Variants in TTC39B observed in about 807,000 individuals in gnomAD.
TTC39B encodes the protein tetratricopeptide repeat domain 39B.
In TTC39B, 92 loss-of-function variants were observed where a neutral mutation model predicts 96.6. The observed-to-expected ratio is 0.95, with a 90% confidence interval of 0.80 to 1.13. TTC39B has a LOEUF of 1.13. TTC39B is among the 50% of genes most tolerant of loss of function. The probability of loss-of-function intolerance (pLI) is 0.00; values close to 1 mark genes in which losing one functional copy is unlikely to be tolerated. For synonymous variants in TTC39B, 367 were observed against 299.4 expected (o/e 1.23, Z -2.33); for missense variants, 955 against 809.3 (o/e 1.18, Z -2.18).
rs140280178 is a variant in TTC39B at position 15,276,498 on chromosome 9, A to C, written c.241-8550T>G. ...AAGGTAGTCATGACTTGATGACATG[A>C]GCCCTCCCTTCTCTCACAAGCACAA... On this transcript the variant is annotated intron_variant, in intron 1 of 19. Transcript: ENST00000512701. 3.3e-5 allele frequency among the ~76,000 whole-genome samples: 5 copies of C among 152,308 alleles called. No homozygotes were observed. The East Asian group carries it at 9.6e-4, about 29-fold the overall frequency.
chr9:15,236,775 T>G (rs1437956808), intron 2 of TTC39B, among the ~76,000 whole-genome samples: 1 of 152,124 alleles, frequency 6.6e-6, no homozygotes, highest in African/African-American at 2.4e-5. Flanking sequence ...TTTAAATGAA[T>G]GAAAACAAAG....
intron 1 of TTC39B, among the ~76,000 whole-genome samples, chr9:15,291,523 C>G (rs1453580642): frequency 1.3e-5 from 2 of 152,166 alleles, no homozygotes; most frequent in East Asian, 1.9e-4. Context: ...TTATCAGCAG[C>G]ATGAGAACGG....
rs1011244875 is a variant in TTC39B, at chr9:15,210,069, T to C, written c.691+19A>G. 3 of 1,550,336 alleles carry C rather than the reference T, an allele frequency of 1.9e-6. No individual in the cohort carries two copies. The highest frequency in any genetic ancestry group is 2.3e-5 in the East Asian group (1 of 44,410). ...CTATTAAAATCAAGGAAAAAAGTGATCTTTTAAATGACTTTTACCTTCACT... is the reference window on the plus strand; with the variant it reads ...CTATTAAAATCAAGGAAAAAAGTGACCTTTTAAATGACTTTTACCTTCACT... On this transcript the variant is annotated intron_variant, in intron 6 of 19. Coordinates refer to ENST00000512701, the Ensembl canonical transcript of TTC39B.
At chr9:15,285,356 T>C (rs1823929902) in intron 1 of TTC39B, among the ~76,000 whole-genome samples, 1 of 152,212 alleles carries the variant, frequency 6.6e-6, no homozygotes, top group Admixed American at 6.5e-5. Context: ...AAAAACTTTT[T>C]ATTTAGAAAT....
At chr9:15,288,148 T>C (rs1824047473) in intron 1 of TTC39B, among the ~76,000 whole-genome samples, 1 of 152,124 alleles carries the variant, frequency 6.6e-6, no homozygotes, top group African/African-American at 2.4e-5. Flanking sequence ...ATCTCAATGT[T>C]TTCTATCAAA....
At chr9:15,284,543 A>G (rs1039645881) in intron 1 of TTC39B, among the ~76,000 whole-genome samples, 5 of 152,242 alleles carry the variant, frequency 3.3e-5, no homozygotes, top group African/African-American at 1.2e-4. Context: ...ATATAAATAA[A>G]GCAAACAGTG....
rs909667076 is a variant in TTC39B, at chr9:15,214,165, T to C, written c.456A>G (p.Thr152=). 5 of 1,613,796 alleles carry C rather than the reference T, an allele frequency of 3.1e-6. No homozygotes were observed. The African/African-American group carries it at 6.7e-5, about 22-fold the overall frequency. ...AGGGGCGAAGCAATTCTAAGGCGTC[T>C]GTAAATTTGTTGCTTAGAAATAAGT... The change falls in exon 4 of 20, where the codon ACA becomes ACG. Residue 152 remains threonine, a synonymous_variant. Transcript: ENST00000512701.
intron 2 of TTC39B, among the ~76,000 whole-genome samples, chr9:15,237,857 T>A (rs1821857698): frequency 1.3e-5 from 2 of 151,960 alleles, no homozygotes; most frequent in Admixed American, 1.3e-4. Context: ...CCAACCAATA[T>A]CCCTGAGGAA....
Position 15,276,273 on chromosome 9 carries a change from G to A in TTC39B, c.241-8325C>T, listed in dbSNP as rs1305321180. On this transcript the variant is annotated intron_variant, in intron 1 of 19. Coordinates refer to ENST00000512701, the Ensembl canonical transcript of TTC39B. ...AGCATGGGAGGGCCAGATACAACAC[G>A]AGTGTGCTTCAGGCCTGCTGTTCAC... is the stretch of plus-strand genomic sequence containing the variant. Among the ~76,000 whole-genome samples the A allele has an allele frequency of 2.6e-5, 4 of 152,304 alleles. No individual in the cohort carries two copies. The East Asian group carries it at 5.8e-4, about 22-fold the overall frequency.
rs999656624 is a variant in TTC39B at position 15,245,975 on chromosome 9, C to T, written c.276-19963G>A. ...TTCTTACCCAAATAAATCACCAGGC[C>T]GGGCGTGGTGGCTCACACCTGTAAT... On this transcript the variant is annotated intron_variant, in intron 2 of 19. Transcript: ENST00000512701. 7.2e-5 allele frequency among the ~76,000 whole-genome samples: 11 copies of T among 152,136 alleles called. No homozygotes were observed. In the East Asian group the frequency reaches 1.3e-3, roughly 19 times the overall value.
intron 19 of TTC39B, among the ~76,000 whole-genome samples, chr9:15,173,074 G>C (rs1270383292): frequency 2.0e-5 from 3 of 152,116 alleles, no homozygotes; most frequent in African/African-American, 7.2e-5. Flanking sequence ...TGAGTTAGTG[G>C]AGGCTTTTCA....
intron 2 of TTC39B, among the ~76,000 whole-genome samples, chr9:15,251,685 A>G (rs867546330): frequency 1.7e-5 from 2 of 118,208 alleles, no homozygotes; most frequent in Non-Finnish European, 3.5e-5. Flanking sequence ...ACACACACAC[A>G]CACACATACA....
intron 2 of TTC39B, among the ~76,000 whole-genome samples, chr9:15,255,970 T>G (rs1822736205): frequency 6.6e-6 from 1 of 152,198 alleles, no homozygotes; most frequent in African/African-American, 2.4e-5. Context: ...ATCCTAGCAG[T>G]CTACTCTGAG....
At chr9:15,220,917 C>T (rs1020154649) in intron 3 of TTC39B, among the ~76,000 whole-genome samples, 5 of 152,184 alleles carry the variant, frequency 3.3e-5, no homozygotes, top group Non-Finnish European at 2.9e-5. Flanking sequence ...ATTTTGGAAG[C>T]TAAGCAAGGT....
At chr9:15,167,183 C>T (rs1428209663) in exon 20 of TTC39B, 1 of 138,264 alleles carries the variant, frequency 7.2e-6, no homozygotes, top group African/African-American at 2.7e-5. Context: ...ACTACAAGTG[C>T]ACTCCACCAT....
In TTC39B at chr9:15,255,404, A is replaced by C. The variant is rs1419428585; in HGVS notation, c.275+12510T>G. Among the ~76,000 whole-genome samples the C allele has an allele frequency of 2.0e-5, 3 of 152,266 alleles. No homozygotes were observed. The East Asian group carries it at 5.8e-4, about 29-fold the overall frequency. On this transcript the variant is annotated intron_variant, in intron 2 of 19. Coordinates refer to ENST00000512701, the Ensembl canonical transcript of TTC39B. The stretch of plus-strand genomic sequence containing the variant: ...ACAAGCAGAGACAAAAGGGGGAAAG[A>C]GGGAAGAAGGAAAAAGAAAGGAGAC...
chr9:15,232,652 G>T (rs654202), intron 2 of TTC39B, among the ~76,000 whole-genome samples: 3 of 152,094 alleles, frequency 2.0e-5, no homozygotes, highest in Non-Finnish European at 4.4e-5. Context: ...AGAAATGAGG[G>T]AAGAGACTAA....
intron 6 of TTC39B, among the ~76,000 whole-genome samples, chr9:15,207,854 G>C (rs1335938991): frequency 2.0e-5 from 3 of 150,502 alleles, no homozygotes; most frequent in Non-Finnish European, 4.4e-5. Flanking sequence ...CGTGGTGGCG[G>C]GCACCTGTAA....
intron 7 of TTC39B, among the ~76,000 whole-genome samples, chr9:15,202,647 C>T (rs145689453): frequency 4.0e-5 from 6 of 151,178 alleles, no homozygotes; most frequent in South Asian, 2.1e-4. Flanking sequence ...AGGAGGCAGA[C>T]GTTGCAGTGA....
Sources: allele counts gnomAD v4.1 joint callset (sites outside exome capture counted in the v4.1 genomes callset), GRCh38; gene constraint gnomAD v4.1.1; transcripts MANE v1.5; gene names NCBI Gene and HGNC (gene_info 2026-07-23, HGNC 2026-07-21).